The following SHE variants were observed in gnomAD, a reference collection of about 807,000 sequenced individuals.
SHE encodes SH2 domain-containing adapter protein E.
A neutral mutation model predicts 49.8 loss-of-function variants in SHE; 11 were observed. The ratio of observed to expected loss-of-function variants is 0.22; its 90% CI spans 0.14 to 0.37. SHE has a LOEUF of 0.37. Ranked by LOEUF, SHE falls within the 10% of genes least tolerant of loss-of-function variation. The probability of loss-of-function intolerance (pLI) is 1.00; values close to 1 mark genes in which losing one functional copy is unlikely to be tolerated. For missense variants in SHE, 624 were observed against 655.5 expected, an observed-to-expected ratio of 0.95 and a Z score of 0.52; for synonymous variants, 310 against 278.1, an observed-to-expected ratio of 1.11 and a Z score of -1.14.
At chr1:154,478,620 T>C (rs1691943352), downstream of SHE, among the ~76,000 whole-genome samples, 1 of 152,170 alleles carries the variant, frequency 6.6e-6, no homozygotes, top group South Asian at 2.1e-4. Flanking sequence ...AAAGCATTTG[T>C]TCAGCAGCAC....
chr1:154,479,397 T>A (rs529881431), downstream of SHE: 2 of 621,004 alleles, frequency 3.2e-6, no homozygotes, highest in African/African-American at 4.0e-5. Flanking sequence ...CAAATGAAAC[T>A]CTGCTGTAGC....
At position 154,480,985 on chromosome 1, in the gene SHE, C is replaced by T. The variant is rs1228199854; in HGVS notation, c.*3164G>A. 1.0e-6 allele frequency: 1 copy of T among 985,294 alleles called. No homozygotes were observed. The highest frequency in any genetic ancestry group is 6.1e-5 in the Admixed American group (1 of 16,264). The allele number at this position is 985,294 out of a possible 1,614,324, so 61.0% of individuals were successfully genotyped here. A position where few individuals can be genotyped will look rare whatever the true frequency, so the allele number is the denominator to read the frequency against. ...ATGGATGCTAAATTCAAGGCAAATT[C>T]ACTGAAAGACATTCTTCTCACCAGA... On this transcript the variant is annotated 3_prime_UTR_variant, in exon 6 of 6. Coordinates refer to ENST00000304760, the MANE Select transcript of SHE (RefSeq NM_001010846.3).
intron 2 of SHE, among the ~76,000 whole-genome samples, chr1:154,496,541 A>C (rs981160257): frequency 1.8e-4 from 27 of 152,332 alleles, no homozygotes; most frequent in Admixed American, 1.8e-3. Context: ...TGCAAACGGC[A>C]TTTCAAGTGT....
intron 2 of SHE, among the ~76,000 whole-genome samples, chr1:154,498,032 T>C (rs1453797453): frequency 1.3e-5 from 2 of 152,168 alleles, no homozygotes; most frequent in Admixed American, 1.3e-4. Flanking sequence ...GGCTCCAATA[T>C]TGTAGAACTT....
Position 154,483,923 on chromosome 1 carries a change from A to AG in SHE, c.*225dup. On this transcript the variant is annotated 3_prime_UTR_variant, in exon 6 of 6. Coordinates refer to ENST00000304760, the MANE Select transcript of SHE (RefSeq NM_001010846.3). The stretch of plus-strand genomic sequence containing the variant: ...TGATGGGGAAGAACTGCTTGAACCC[A>AG]GGAGTCAGATGTTGCAGTGAGCCAA... 3.2e-6 allele frequency: 4 copies of AG among 1,262,132 alleles called. No homozygotes were observed. The highest frequency in any genetic ancestry group is 3.1e-6 in the Non-Finnish European group (3 of 980,568). 78.2% of individuals were successfully genotyped at this position (1,262,132 alleles called of 1,614,324 possible).
intron 2 of SHE, among the ~76,000 whole-genome samples, chr1:154,493,534 C>T (rs369671290): frequency 6.6e-6 from 1 of 152,206 alleles, no homozygotes; most frequent in East Asian, 1.9e-4. Context: ...AGCAGATAAA[C>T]ACTCATTTGC....
At chr1:154,486,801 A>G (rs1692194722) in intron 3 of SHE, 118 bp from the exon 4 acceptor site, 2 of 1,133,144 alleles carry the variant, frequency 1.8e-6, no homozygotes, top group Non-Finnish European at 2.5e-6. Flanking sequence ...CCCCTTTAAC[A>G]TTAACTATAA....
chr1:154,478,535 C>A (rs1325825159), downstream of SHE, among the ~76,000 whole-genome samples: 3 of 151,880 alleles, frequency 2.0e-5, no homozygotes, highest in Admixed American at 6.6e-5. Context: ...ATTCTAAGCA[C>A]CCGTGTTTTT....
chr1:154,485,224 A>G (rs906421172), intron 5 of SHE: 11 of 152,148 alleles, frequency 7.2e-5, no homozygotes, highest in African/African-American at 2.4e-4. Flanking sequence ...CTGGTATTGT[A>G]TATCTGGTGG....
In SHE at chr1:154,486,995, C is replaced by T. The variant is rs538045882; in HGVS notation, c.1025-312G>A. ...TTTAAAAAACTTGTGGTTTTGTGGC[C>T]GGGCACGGTGGCTCATGCCTGTAAT... On this transcript the variant is annotated intron_variant, in intron 3 of 5. Coordinates refer to ENST00000304760, the MANE Select transcript of SHE (RefSeq NM_001010846.3). Among the ~76,000 whole-genome samples the T allele has an allele frequency of 5.3e-5, 8 of 152,126 alleles. No individual in the cohort carries two copies. The East Asian group carries it at 1.2e-3, about 22-fold the overall frequency.
intron 2 of SHE, among the ~76,000 whole-genome samples, chr1:154,491,442 C>T (rs1321525544): frequency 6.6e-6 from 1 of 152,232 alleles, no homozygotes; most frequent in African/African-American, 2.4e-5. Flanking sequence ...CAATCCTTTA[C>T]AATCTAACTC....
At chr1:154,498,133 C>A (rs1411248778) in intron 2 of SHE, among the ~76,000 whole-genome samples, 2 of 150,714 alleles carry the variant, frequency 1.3e-5, no homozygotes, top group African/African-American at 4.9e-5. Context: ...ACTCTTGTTG[C>A]CCAGGCTGGA....
In SHE at chr1:154,482,815, T is replaced by G; in HGVS notation, c.*1334A>C. ...CTAGGTCTTTTCAAACACTTCTGTA[T>G]AGTACAAGGCAGTCTGCTTGGTACA... On this transcript the variant is annotated 3_prime_UTR_variant, in exon 6 of 6. Coordinates refer to ENST00000304760, the MANE Select transcript of SHE (RefSeq NM_001010846.3). The G allele has an allele frequency of 1.1e-5, 11 of 985,472 alleles. No homozygotes were observed. The highest frequency in any genetic ancestry group is 1.3e-5 in the Non-Finnish European group (11 of 829,926). 61.0% of individuals were successfully genotyped at this position (985,472 alleles called of 1,614,324 possible). A position where few individuals can be genotyped will look rare whatever the true frequency, so the allele number is the denominator to read the frequency against.
In SHE at chr1:154,484,355, G is replaced by A. The variant is rs923823570; in HGVS notation, c.1302-20C>T. 1.3e-6 allele frequency: 2 copies of A among 1,598,480 alleles called. No individual in the cohort carries two copies. Among genetic ancestry groups the A allele is most frequent in the Admixed American group, 1.7e-5 (1 of 59,580 alleles). ...CTAGTCCTGGAATGAAAATCAAGGA[G>A]GAGACATGAATGAGTGGGCAGAGGA... On this transcript the variant is annotated intron_variant, in intron 5 of 5. Transcript: ENST00000304760.
At chr1:154,476,112 G>A (rs1691870142), downstream of SHE, among the ~76,000 whole-genome samples, 3 of 152,202 alleles carry the variant, frequency 2.0e-5, no homozygotes, top group Admixed American at 2.0e-4. Context: ...TTGGGAGGCT[G>A]AGTCAGGATG....
At chr1:154,485,921 G>T in intron 5 of SHE, 22 bp downstream of exon 5, 1 of 1,607,788 alleles carries the variant, frequency 6.2e-7, no homozygotes, top group South Asian at 1.1e-5. Flanking sequence ...TGGAGATGAG[G>T]AAAGCCATGG....
Position 154,479,641 on chromosome 1 carries a change from A to C in SHE, c.*4508T>G, listed in dbSNP as rs1348858461. 2 of 967,806 alleles carry C rather than the reference A, an allele frequency of 2.1e-6. No individual in the cohort carries two copies. The highest frequency in any genetic ancestry group is 3.5e-5 in the African/African-American group (2 of 56,936). The allele number at this position is 967,806 out of a possible 1,614,324, so 60.0% of individuals were successfully genotyped here. ...ATAGATAGACACCTATATTACATAC[A>C]ATCTTCAAACATTTTTAAAAGTTGA... On this transcript the variant is annotated 3_prime_UTR_variant, in exon 6 of 6. Transcript: ENST00000304760.
Position 154,502,122 on chromosome 1 carries a change from G to A in SHE, c.-96C>T, listed in dbSNP as rs1450977804. 3.9e-6 allele frequency: 4 copies of A among 1,028,568 alleles called. No homozygotes were observed. The highest frequency in any genetic ancestry group is 4.9e-6 in the Non-Finnish European group (4 of 811,688). The allele number at this position is 1,028,568 out of a possible 1,614,324, so 63.7% of individuals were successfully genotyped here. ...CGTCGCCCACGCCCGGCAGGGTGGG[G>A]TTCTCACGGCTCGGGGCGCCGAGCG... On this transcript the variant is annotated 5_prime_UTR_variant, in exon 1 of 6. Transcript: ENST00000304760.
At chr1:154,476,616 A>C (rs545073248), downstream of SHE, among the ~76,000 whole-genome samples, 33 of 152,106 alleles carry the variant, frequency 2.2e-4, no homozygotes, top group African/African-American at 8.0e-4. Context: ...TAGGCGACAG[A>C]GTGAGACTCT....
Sources: gnomAD v4.1 joint callset for allele counts (sites outside exome capture counted in the v4.1 genomes callset) on GRCh38, gnomAD v4.1.1 for gene constraint, MANE v1.5 for transcripts, NCBI Gene and HGNC (gene_info 2026-07-23, HGNC 2026-07-21) for gene names.